Variants in RCL1 observed in about 807,000 individuals in gnomAD.
RCL1 encodes RNA 3'-terminal phosphate cyclase-like protein.
RCL1 carries 24 observed loss-of-function variants against 42.4 expected under a neutral mutation model. That is an observed-to-expected ratio of 0.57 (90% confidence interval 0.41 to 0.80). The LOEUF (loss-of-function observed/expected upper bound fraction) is 0.80, where lower values mean the gene tolerates loss of function less well. Ranked by LOEUF, RCL1 falls within the 30% of genes least tolerant of loss-of-function variation. The probability of loss-of-function intolerance (pLI) is 0.00; values close to 1 mark genes in which losing one functional copy is unlikely to be tolerated. For synonymous variants in RCL1, 228 were observed against 177.3 expected, an observed-to-expected ratio of 1.29 and a Z score of -2.27; for missense variants, 578 against 467.9, an observed-to-expected ratio of 1.24 and a Z score of -2.17.
At chr9:4,857,204 A>G (rs765066256) in intron 8 of RCL1, among the ~76,000 whole-genome samples, 2 of 152,138 alleles carry the variant, frequency 1.3e-5, no homozygotes, top group Non-Finnish European at 2.9e-5. Context: ...ATTTTAGCAC[A>G]TTTTTACTAC....
chr9:4,798,454 G>C lies in RCL1; in HGVS notation c.136+5227G>C, dbSNP rs547173600. 3.9e-5 allele frequency among the ~76,000 whole-genome samples: 6 copies of C among 152,350 alleles called. No individual in the cohort carries two copies. In the South Asian group the frequency reaches 1.2e-3, roughly 32 times the overall value. Reference sequence around the variant, plus strand: ...CCTTAGTGTCTTCCCCTGTGAAATTGAGAGGAGTTACTTGGTCCCATGGGG... The same window carrying C: ...CCTTAGTGTCTTCCCCTGTGAAATTCAGAGGAGTTACTTGGTCCCATGGGG... On this transcript the variant is annotated intron_variant, in intron 1 of 8. Coordinates refer to ENST00000381750, the MANE Select transcript of RCL1 (RefSeq NM_005772.5).
chr9:4,856,568 T>G (rs7860287), intron 8 of RCL1, among the ~76,000 whole-genome samples: 135,700 of 152,192 alleles, frequency 0.89, 60,580 homozygotes, highest in East Asian at 1. Flanking sequence ...AATTTAATGA[T>G]GGGGAAGGGG....
chr9:4,829,712 T>C (rs1587715325), intron 3 of RCL1, among the ~76,000 whole-genome samples: 1 of 152,000 alleles, frequency 6.6e-6, no homozygotes, highest in Non-Finnish European at 1.5e-5. Flanking sequence ...GTGGTGGCGG[T>C]GGTGGTGGTT....
At chr9:4,822,942 G>A (rs867513217) in intron 1 of RCL1, among the ~76,000 whole-genome samples, 1 of 152,036 alleles carries the variant, frequency 6.6e-6, no homozygotes, top group Middle Eastern at 3.4e-3. Context: ...AAAAAAAGAA[G>A]GCAGTAATAC....
chr9:4,860,244 G>T lies in RCL1; in HGVS notation c.1091G>T (p.Gly364Val), dbSNP rs115027963. 1 of 1,613,612 alleles carries T rather than the reference G, an allele frequency of 6.2e-7. No homozygotes were observed. Among genetic ancestry groups the T allele is most frequent in the African/African-American group, 1.3e-5 (1 of 75,002 alleles). Residue 364 changes from glycine to valine, a missense_variant, in exon 9 of 9, where the codon GGT (glycine) becomes GTT (valine). By Grantham distance (109) the Gly-to-Val change is moderately radical. Transcript: ENST00000381750. ...DKVLMTCVGI[G>V]FSNLSKTLK Reference sequence around the variant, plus strand: ...GTGCTGATGACCTGTGTTGGCATTGGTTTCTCCAACCTTAGCAAGACCCTC... The same window carrying T: ...GTGCTGATGACCTGTGTTGGCATTGTTTTCTCCAACCTTAGCAAGACCCTC...
At chr9:4,805,072 C>T (rs543690835) in intron 1 of RCL1, 3 of 152,464 alleles carry the variant, frequency 2.0e-5, no homozygotes, top group Admixed American at 6.5e-5. Flanking sequence ...TAATGTGGGG[C>T]CCTGAAGGCC....
intron 1 of RCL1, among the ~76,000 whole-genome samples, chr9:4,813,699 A>G (rs970094976): frequency 1.3e-5 from 2 of 152,246 alleles, no homozygotes; most frequent in African/African-American, 4.8e-5. Flanking sequence ...TATATACCCA[A>G]AGGATTATAA....
At chr9:4,819,567 G>C (rs1816513129) in intron 1 of RCL1, among the ~76,000 whole-genome samples, 1 of 152,210 alleles carries the variant, frequency 6.6e-6, no homozygotes, top group African/African-American at 2.4e-5. Flanking sequence ...CCAGCACTTT[G>C]GGAGGTCGAG....
At position 4,805,962 on chromosome 9, in the gene RCL1, C is replaced by T. The variant is rs192564275; in HGVS notation, c.136+12735C>T. On this transcript the variant is annotated intron_variant, in intron 1 of 8. Transcript: ENST00000381750. ...TTTGGAGCAATTGTAAATGGTGTAT[C>T]ATATTTTAAATTTTAGTTTCTGTGT... Among the ~76,000 whole-genome samples, 60 of 150,326 alleles carry T rather than the reference C, an allele frequency of 4.0e-4. No individual in the cohort carries two copies. The East Asian group carries it at 1.0e-2, about 25-fold the overall frequency.
chr9:4,836,670 G>C (rs945759074), intron 5 of RCL1: 1 of 152,396 alleles, frequency 6.6e-6, no homozygotes, highest in Non-Finnish European at 1.5e-5. Context: ...TTAAGGTCGG[G>C]TTTTGTGTTC....
chr9:4,826,459 GC>G (rs36071310), intron 2 of RCL1, among the ~76,000 whole-genome samples: 38,262 of 151,968 alleles, frequency 0.25, 4,962 homozygotes, highest in South Asian at 0.36. Flanking sequence ...CATTTCAGGG[GC>G]CCTAGAGGAT....
intron 1 of RCL1, among the ~76,000 whole-genome samples, chr9:4,820,567 A>G (rs1216715096): frequency 2.6e-5 from 4 of 152,214 alleles, no homozygotes; most frequent in African/African-American, 9.6e-5. Flanking sequence ...TCTAGAAAGT[A>G]AAGTCATGGT....
At chr9:4,827,756 G>GTGTGTGTA (rs1554639305) in intron 3 of RCL1, among the ~76,000 whole-genome samples, 1 of 108,914 alleles carries the variant, frequency 9.2e-6, no homozygotes, top group South Asian at 3.5e-4. Flanking sequence ...GTGTGTGTGT[G>GTGTGTGTA]CACGCGTGTG....
intron 1 of RCL1, among the ~76,000 whole-genome samples, chr9:4,817,640 G>C (rs757341061): frequency 6.6e-5 from 10 of 151,724 alleles, no homozygotes; most frequent in African/African-American, 1.2e-4. Context: ...GGGGCTACTG[G>C]TGTGCGCCAC....
intron 1 of RCL1, among the ~76,000 whole-genome samples, chr9:4,813,372 G>T (rs900545921): frequency 3.9e-5 from 6 of 152,134 alleles, no homozygotes; most frequent in Non-Finnish European, 8.8e-5. Context: ...CAAAAAGTGG[G>T]CAAAGGATAT....
intron 1 of RCL1, among the ~76,000 whole-genome samples, chr9:4,814,592 T>C (rs1461251235): frequency 1.3e-5 from 2 of 152,262 alleles, no homozygotes; most frequent in Admixed American, 1.3e-4. Context: ...AATTGTTTTC[T>C]GGTTGATTCG....
intron 8 of RCL1, among the ~76,000 whole-genome samples, chr9:4,855,611 G>A (rs1303303749): frequency 6.6e-6 from 1 of 152,124 alleles, no homozygotes; most frequent in Non-Finnish European, 1.5e-5. Flanking sequence ...TAAGGAGGCT[G>A]TTTGCTGGGA....
At chr9:4,843,110 T>C (rs1817390884) in intron 6 of RCL1, among the ~76,000 whole-genome samples, 1 of 152,190 alleles carries the variant, frequency 6.6e-6, no homozygotes, top group African/African-American at 2.4e-5. Flanking sequence ...GGGATTTAAA[T>C]TTGTGTTTGG....
chr9:4,834,210 T>C lies in RCL1; in HGVS notation c.529T>C (p.Leu177=). ...VVFSCPVRKV[L]KPIQLTDPGK... is the part of the protein sequence containing the mutation. ...TTTCTCATGTCCTGTGAGGAAGGTC[T>C]TGAAGCCCATTCAACTCACAGATCC... Residue 177 remains leucine, a synonymous_variant, in exon 5 of 9, where the codon TTG becomes CTG. Coordinates refer to ENST00000381750, the MANE Select transcript of RCL1 (RefSeq NM_005772.5). The C allele has an allele frequency of 6.2e-7, 1 of 1,613,718 alleles. No individual in the cohort carries two copies. The highest frequency in any genetic ancestry group is 8.5e-7 in the Non-Finnish European group (1 of 1,179,752).
Sources: gnomAD v4.1 joint callset for allele counts (sites outside exome capture counted in the v4.1 genomes callset) on GRCh38, gnomAD v4.1.1 for gene constraint, MANE v1.5 for transcripts, NCBI Gene and HGNC (gene_info 2026-07-23, HGNC 2026-07-21) for gene names.